The following USP32 variants were observed in gnomAD, a reference collection of about 807,000 sequenced individuals.
USP32 encodes the protein ubiquitin carboxyl-terminal hydrolase 32.
Under a neutral mutation model 204.8 loss-of-function variants are expected in USP32, and 59 were observed. The observed-to-expected ratio is 0.29, with a 90% CI of 0.23 to 0.36. USP32 has a LOEUF of 0.36. Ranked by LOEUF, USP32 falls within the 10% of genes least tolerant of loss-of-function variation. The pLI, the probability that USP32 is intolerant of heterozygous loss-of-function variation, is 1.00. For synonymous variants in USP32, 517 were observed against 678.4 expected, an observed-to-expected ratio of 0.76 and a Z score of 3.70; for missense variants, 1,160 against 1,946.4, an observed-to-expected ratio of 0.60 and a Z score of 7.60.
chr17:60,259,818 T>TA (rs2086409563), intron 9 of USP32, among the ~76,000 whole-genome samples: 1 of 152,246 alleles, frequency 6.6e-6, no homozygotes, highest in Non-Finnish European at 1.5e-5. Context: ...ATCTTGTTTT[T>TA]ATCAATCTTT....
In USP32 at chr17:60,177,623, A is replaced by C. The variant is rs1230599543; in HGVS notation, c.*1632T>G. The stretch of plus-strand genomic sequence containing the variant: ...GGAATGGACAGATTTTATATACTGA[A>C]AATCTTGAAACTATAAAGTATGCAT... On this transcript the variant is annotated 3_prime_UTR_variant, in exon 34 of 34. Transcript: ENST00000300896. 1.3e-5 allele frequency among the ~76,000 whole-genome samples: 2 copies of C among 152,244 alleles called. No homozygotes were observed. Among genetic ancestry groups the C allele is most frequent in the Non-Finnish European group, 2.9e-5 (2 of 68,028 alleles).
chr17:60,202,258 A>G lies in USP32; in HGVS notation c.3249+3189T>C, dbSNP rs571131017. On this transcript the variant is annotated intron_variant, in intron 26 of 33. Coordinates refer to ENST00000300896, the MANE Select transcript of USP32 (RefSeq NM_032582.4). ...TTTCTGGGCTCTCTATTCTATCCCAATGGTCTACTTGTCTTTTCTTGTACC... is the reference window on the plus strand; with the variant it reads ...TTTCTGGGCTCTCTATTCTATCCCAGTGGTCTACTTGTCTTTTCTTGTACC... 1.2e-4 allele frequency among the ~76,000 whole-genome samples: 19 copies of G among 152,272 alleles called. No homozygotes were observed. In the South Asian group the frequency reaches 2.3e-3, roughly 18 times the overall value.
intron 2 of USP32, among the ~76,000 whole-genome samples, chr17:60,315,174 G>T (rs1165384535): frequency 6.6e-6 from 1 of 152,180 alleles, no homozygotes; most frequent in Non-Finnish European, 1.5e-5. Flanking sequence ...GAGGTGGGCG[G>T]AATGCCTGAG....
chr17:60,228,112 G>A (rs548585425), intron 12 of USP32, among the ~76,000 whole-genome samples: 34 of 151,496 alleles, frequency 2.2e-4, no homozygotes, highest in African/African-American at 6.1e-4. Context: ...AGCAACCTCC[G>A]CCTCTAGCTT....
At chr17:60,380,752 T>C (rs2089633614) in intron 1 of USP32, among the ~76,000 whole-genome samples, 1 of 152,168 alleles carries the variant, frequency 6.6e-6, no homozygotes, top group African/African-American at 2.4e-5. Flanking sequence ...ATGTACCCTA[T>C]TCATACCCAC....
chr17:60,193,383 A>G (rs1235722257), intron 27 of USP32, among the ~76,000 whole-genome samples: 2 of 152,222 alleles, frequency 1.3e-5, no homozygotes, highest in East Asian at 1.9e-4. Flanking sequence ...GTACATGCTA[A>G]GTACTGCCTT....
At chr17:60,246,792 G>A (rs958324481) in intron 11 of USP32, among the ~76,000 whole-genome samples, 24 of 152,148 alleles carry the variant, frequency 1.6e-4, no homozygotes, top group African/African-American at 5.6e-4. Context: ...GATTAGTGAT[G>A]TTGAGCATTT....
At chr17:60,306,324 CT>C (rs1271044584) in intron 2 of USP32, among the ~76,000 whole-genome samples, 4 of 152,078 alleles carry the variant, frequency 2.6e-5, no homozygotes, top group Non-Finnish European at 5.9e-5. Flanking sequence ...TGTTGCAAGA[CT>C]TTTGTTTTAA....
At chr17:60,182,194 G>A (rs2084128830) in intron 31 of USP32, among the ~76,000 whole-genome samples, 1 of 152,164 alleles carries the variant, frequency 6.6e-6, no homozygotes, top group Non-Finnish European at 1.5e-5. Flanking sequence ...CAAAAATCCT[G>A]TAAGGCTTTA....
intron 2 of USP32, among the ~76,000 whole-genome samples, chr17:60,307,101 CT>C (rs557442387): frequency 9.5e-4 from 136 of 143,706 alleles, no homozygotes; most frequent in Admixed American, 1.9e-3. Flanking sequence ...TTTTTCCTTT[CT>C]TTTTTTTTTT....
rs2084420869 is a variant in USP32 at position 60,192,863 on chromosome 17, C to T, written c.3502G>A (p.Ala1168Thr). The T allele has an allele frequency of 1.9e-6, 3 of 1,613,930 alleles. No individual in the cohort carries two copies. Among genetic ancestry groups the T allele is most frequent in the Non-Finnish European group, 2.5e-6 (3 of 1,179,906 alleles). Reference protein sequence around the residue: ...RVVQKDGNSCAWCPWYRFCRG... With the variant: ...RVVQKDGNSCTWCPWYRFCRG... ...CTTTACCTATACCATGGGCACCAAG[C>T]ACAGGAGTTCCCATCTTTCTGCACA... Residue 1168 changes from alanine to threonine, a missense_variant, in exon 28 of 34, where the codon GCT (alanine) becomes ACT (threonine). Transcript: ENST00000300896.
chr17:60,407,005 C>T (rs899477765), intron 1 of USP32, among the ~76,000 whole-genome samples: 4 of 152,102 alleles, frequency 2.6e-5, no homozygotes, highest in Non-Finnish European at 5.9e-5. Flanking sequence ...ACAGAACAAC[C>T]GTTTTCAGAT....
At chr17:60,322,898 A>G (rs994371387) in intron 2 of USP32, among the ~76,000 whole-genome samples, 1 of 152,246 alleles carries the variant, frequency 6.6e-6, no homozygotes, top group Non-Finnish European at 1.5e-5. Flanking sequence ...CCATTTGATC[A>G]AGAAATTTGA....
chr17:60,318,950 T>A (rs1028842875), intron 2 of USP32, among the ~76,000 whole-genome samples: 2 of 152,244 alleles, frequency 1.3e-5, no homozygotes, highest in African/African-American at 2.4e-5. Flanking sequence ...ACAACATGAA[T>A]GAACTTTGAA....
At chr17:60,283,031 A>G (rs1449649708) in intron 5 of USP32, among the ~76,000 whole-genome samples, 3 of 152,272 alleles carry the variant, frequency 2.0e-5, no homozygotes, top group Non-Finnish European at 4.4e-5. Context: ...CAATTGAAAT[A>G]TAAAGTGTTG....
chr17:60,228,821 G>GT (rs980572895), intron 12 of USP32, among the ~76,000 whole-genome samples: 13 of 148,462 alleles, frequency 8.8e-5, no homozygotes, highest in East Asian at 5.9e-4. Flanking sequence ...GAGACTCTTT[G>GT]TTTTTTTTGT....
intron 10 of USP32, among the ~76,000 whole-genome samples, chr17:60,253,594 C>T (rs188522280): frequency 6.6e-5 from 10 of 151,870 alleles, no homozygotes; most frequent in Admixed American, 3.9e-4. Context: ...GGTGAAACCT[C>T]GTCTCTACTA....
Position 60,236,908 on chromosome 17 carries a change from T to C in USP32, c.1137-668A>G, listed in dbSNP as rs2085741947. The stretch of plus-strand genomic sequence containing the variant: ...TGTTTTTGTGGTTCATCTATTATTG[T>C]GGCAGACATCAGTTGGTTGTGCTTT... On this transcript the variant is annotated intron_variant, in intron 11 of 33. Coordinates refer to ENST00000300896, the MANE Select transcript of USP32 (RefSeq NM_032582.4). Among the ~76,000 whole-genome samples, 3 of 152,232 alleles carry C rather than the reference T, an allele frequency of 2.0e-5. No homozygotes were observed. The South Asian group carries it at 6.2e-4, about 31-fold the overall frequency.
intron 1 of USP32, among the ~76,000 whole-genome samples, chr17:60,376,613 TC>T (rs1158917102): frequency 7.9e-5 from 12 of 151,842 alleles, no homozygotes; most frequent in African/African-American, 2.9e-4. Flanking sequence ...AACCTCTGCC[TC>T]CCGGATTCAA....
Sources: allele counts gnomAD v4.1 joint callset (sites outside exome capture counted in the v4.1 genomes callset), GRCh38; gene constraint gnomAD v4.1.1; transcripts MANE v1.5; gene names NCBI Gene and HGNC (gene_info 2026-07-23, HGNC 2026-07-21).